DDX31: variants seen among roughly 807,000 people sequenced by gnomAD.
The protein encoded by DDX31 is ATP-dependent DNA helicase DDX31.
In DDX31, 70 loss-of-function variants were observed where a neutral mutation model predicts 91.3. The ratio of observed to expected loss-of-function variants is 0.77; its 90% CI spans 0.63 to 0.94. The LOEUF (loss-of-function observed/expected upper bound fraction) is 0.94. DDX31 is among the 40% of genes least tolerant of loss of function. The probability of loss-of-function intolerance (pLI) is 0.00; values close to 1 mark genes in which losing one functional copy is unlikely to be tolerated. For synonymous variants in DDX31, 362 were observed against 350.6 expected (o/e 1.03, Z -0.36); for missense variants, 902 against 925.0 (o/e 0.98, Z 0.32).
chr9:132,645,556 G>A (rs1046261499), intron 13 of DDX31, among the ~76,000 whole-genome samples: 12 of 152,180 alleles, frequency 7.9e-5, no homozygotes, highest in East Asian at 3.9e-4. Context: ...CCCTTCCCTG[G>A]TGCCAGCTAC....
Position 132,594,920 on chromosome 9 carries a change from C to A in DDX31, c.2187G>T (p.Trp729Cys), listed in dbSNP as rs1473175163. ...GCTGTACACCTTTTTGGGTTTTTCTCCATTTTAATGTTTTCCCACGGCCAA... is the reference window on the plus strand; with the variant it reads ...GCTGTACACCTTTTTGGGTTTTTCTACATTTTAATGTTTTCCCACGGCCAA... Reference protein sequence around the residue: ...PCFGRGKTLKWRKTQKGVQRD... With the variant: ...PCFGRGKTLKCRKTQKGVQRD... The change falls in exon 20 of 20, where the codon TGG (tryptophan) becomes TGT (cysteine). Residue 729 changes from tryptophan (W) to cysteine (C), a missense_variant. Coordinates refer to ENST00000372159, the MANE Select transcript of DDX31 (RefSeq NM_022779.9). The A allele has an allele frequency of 6.2e-7, 1 of 1,614,042 alleles. No homozygotes were observed. Among genetic ancestry groups the A allele is most frequent in the Non-Finnish European group, 8.5e-7 (1 of 1,180,060 alleles).
rs80025841 is a variant in DDX31 at position 132,601,491 on chromosome 9, A to G, written c.1995-6379T>C. ...ACATCATGATTGAAGTGAGGACCAC[A>G]ATGGCCATCCATCATGGGGGCCAGT... On this transcript the variant is annotated intron_variant, in intron 19 of 19. Transcript: ENST00000372159. 8.8e-3 allele frequency among the ~76,000 whole-genome samples: 1,333 copies of G among 152,286 alleles called. 23 individuals carry two copies. Among genetic ancestry groups the G allele is most frequent in the African/African-American group, 0.031 (1,271 of 41,572 alleles).
intron 18 of DDX31, among the ~76,000 whole-genome samples, chr9:132,614,293 C>A (rs1207486258): frequency 6.6e-6 from 1 of 152,088 alleles, no homozygotes; most frequent in Non-Finnish European, 1.5e-5. Flanking sequence ...TCTGTGCTTA[C>A]TCCCCTTTTT....
intron 6 of DDX31, among the ~76,000 whole-genome samples, chr9:132,656,885 T>A (rs970889945): frequency 6.6e-6 from 1 of 152,226 alleles, no homozygotes; most frequent in Non-Finnish European, 1.5e-5. Flanking sequence ...TTTTTCTCTA[T>A]GTGCCAGGGA....
chr9:132,603,812 C>A (rs1259251042), intron 19 of DDX31, among the ~76,000 whole-genome samples: 1 of 152,144 alleles, frequency 6.6e-6, no homozygotes, highest in Non-Finnish European at 1.5e-5. Flanking sequence ...TGAAAGCACG[C>A]CCTGTGGTTC....
At chr9:132,651,194 G>A in intron 7 of DDX31, 78 bp from the exon 8 acceptor site, 1 of 1,248,302 alleles carries the variant, frequency 8.0e-7, no homozygotes, top group Admixed American at 2.2e-5. Flanking sequence ...AATGTGATTA[G>A]GATCCAAACT....
intron 14 of DDX31, 144 bp from the exon 15 acceptor site, chr9:132,632,235 TAC>T (rs2130669964): frequency 7.8e-6 from 1 of 127,516 alleles, no homozygotes; most frequent in Non-Finnish European, 1.5e-5. Context: ...ATATGCCCAG[TAC>T]GTGTACACAC....
chr9:132,639,361 G>C (rs1245770245), intron 14 of DDX31, among the ~76,000 whole-genome samples: 3 of 152,126 alleles, frequency 2.0e-5, no homozygotes, highest in Non-Finnish European at 2.9e-5. Flanking sequence ...ACACAGCAAA[G>C]AGAGTCCCCA....
chr9:132,663,447 T>G lies in DDX31; in HGVS notation c.76-752A>C, dbSNP rs796574962. ...ATTACAGGCTACACAGCACTAGGGA[T>G]CTCTTGCCTGTTGCTTCTTATTTCC... On this transcript the variant is annotated intron_variant, in intron 1 of 19. Coordinates refer to ENST00000372159, the MANE Select transcript of DDX31 (RefSeq NM_022779.9). 13 of 985,432 alleles carry G rather than the reference T, an allele frequency of 1.3e-5. No homozygotes were observed. The African/African-American group carries it at 2.3e-4, about 17-fold the overall frequency. The allele number at this position is 985,432 out of a possible 1,614,324, so 61.0% of individuals were successfully genotyped here.
chr9:132,618,316 G>A lies in DDX31; in HGVS notation c.1825+14C>T. On this transcript the variant is annotated intron_variant, in intron 18 of 19. Transcript: ENST00000372159. ...GGGCTATCCACTGCGCAAGCACCTAGGAAATCGACTGACCTTTCTTTGCCC... is the reference window on the plus strand; with the variant it reads ...GGGCTATCCACTGCGCAAGCACCTAAGAAATCGACTGACCTTTCTTTGCCC... The A allele has an allele frequency of 1.9e-6, 3 of 1,603,514 alleles. No individual in the cohort carries two copies. The highest frequency in any genetic ancestry group is 2.6e-6 in the Non-Finnish European group (3 of 1,174,710).
chr9:132,662,675 T>TC lies in DDX31; in HGVS notation c.95dup (p.Tyr34IlefsTer6), dbSNP rs1249605909. On this transcript the variant is annotated frameshift_variant, in exon 2 of 20. Transcript: ENST00000372159. LOFTEE classifies it high-confidence loss of function. ...GAGCCTCACTGGACGCTTGGTATTTTCTTTTCGTAGCCTTTGCTTGCTGCG... is the reference window on the plus strand; with the variant it reads ...GAGCCTCACTGGACGCTTGGTATTTTCCTTTTCGTAGCCTTTGCTTGCTGCG... 2 of 1,614,072 alleles carry TC rather than the reference T, an allele frequency of 1.2e-6. No homozygotes were observed. Among genetic ancestry groups the TC allele is most frequent in the African/African-American group, 2.7e-5 (2 of 74,932 alleles).
intron 17 of DDX31, among the ~76,000 whole-genome samples, chr9:132,619,532 G>A (rs147769862): frequency 1.6e-3 from 245 of 152,268 alleles, no homozygotes; most frequent in African/African-American, 5.5e-3. Context: ...AAGAACAAAG[G>A]GGAGGAAAGA....
intron 19 of DDX31, among the ~76,000 whole-genome samples, chr9:132,610,812 CT>C (rs1831284131): frequency 6.6e-6 from 1 of 152,140 alleles, no homozygotes; most frequent in Non-Finnish European, 1.5e-5. Context: ...TTTCCTCCCC[CT>C]AGTGTAGTTG....
At chr9:132,666,732 A>G (rs1287330114) in intron 1 of DDX31, among the ~76,000 whole-genome samples, 2 of 149,258 alleles carry the variant, frequency 1.3e-5, no homozygotes, top group Non-Finnish European at 3.0e-5. Context: ...TTTGAGACAG[A>G]GTCTCGCTCT....
chr9:132,669,794 C>T, intron 1 of DDX31, 66 bp downstream of exon 1: 1 of 1,520,454 alleles, frequency 6.6e-7, no homozygotes, highest in Non-Finnish European at 8.8e-7. Context: ...GGCACGGCTG[C>T]AGCTCGCGGC....
At chr9:132,663,642 T>C in intron 1 of DDX31, 1 of 518,404 alleles carries the variant, frequency 1.9e-6, no homozygotes, top group Non-Finnish European at 2.5e-6. Context: ...TCAGAATATG[T>C]TATTTTCCTC....
intron 14 of DDX31, chr9:132,638,266 AT>A: frequency 6.2e-7 from 1 of 1,605,388 alleles, no homozygotes; most frequent in Non-Finnish European, 8.5e-7. Context: ...TAGAAACTCC[AT>A]TTTCCGGCCA....
intron 13 of DDX31, among the ~76,000 whole-genome samples, chr9:132,643,846 G>C (rs1400356160): frequency 6.7e-6 from 1 of 149,352 alleles, no homozygotes; most frequent in Non-Finnish European, 1.5e-5. Context: ...ATCAAAATCA[G>C]AAAAAAATCA....
chr9:132,601,691 G>A (rs76364773), intron 19 of DDX31, among the ~76,000 whole-genome samples: 1 of 152,210 alleles, frequency 6.6e-6, no homozygotes, highest in Non-Finnish European at 1.5e-5. Flanking sequence ...GGGTGGAGCC[G>A]AGCCATCCAG....
Sources: gnomAD v4.1 joint callset for allele counts (sites outside exome capture counted in the v4.1 genomes callset) on GRCh38, gnomAD v4.1.1 for gene constraint, MANE v1.5 for transcripts, NCBI Gene and HGNC (gene_info 2026-07-23, HGNC 2026-07-21) for gene names.